Variants in STPG2 observed in about 807,000 individuals in gnomAD.
STPG2 encodes sperm-tail PG-rich repeat-containing protein 2.
Under a neutral mutation model 54.2 loss-of-function variants are expected in STPG2, and 56 were observed. That is an observed-to-expected ratio of 1.03 (90% CI 0.83 to 1.29). The LOEUF (loss-of-function observed/expected upper bound fraction) is 1.29, where lower values mean the gene tolerates loss of function less well. Ranked by LOEUF, STPG2 falls within the 50% of genes most tolerant of loss-of-function variation. The pLI, the probability that STPG2 is intolerant of heterozygous loss-of-function variation, is 0.00. For missense variants in STPG2, 596 were observed against 544.9 expected, an observed-to-expected ratio of 1.09 and a Z score of -0.93; for synonymous variants, 200 against 181.8, an observed-to-expected ratio of 1.10 and a Z score of -0.81.
At chr4:97,891,505 A>T (rs925839541) in intron 8 of STPG2, among the ~76,000 whole-genome samples, 3 of 152,110 alleles carry the variant, frequency 2.0e-5, no homozygotes, top group Non-Finnish European at 4.4e-5. Flanking sequence ...AAAATGATAT[A>T]TCTAAATAGC....
In STPG2 at chr4:98,109,313, A is replaced by T. The variant is rs1281155475; in HGVS notation, c.388-8T>A. 1 of 1,585,840 alleles carries T rather than the reference A, an allele frequency of 6.3e-7. No individual in the cohort carries two copies. Among genetic ancestry groups the T allele is most frequent in the Non-Finnish European group, 8.6e-7 (1 of 1,164,080 alleles). ...AGTTGCATTGGAAACATCCTAAAAA[A>T]TAAAAAGTTTTAAAAAGTGAGGATG... is the stretch of plus-strand genomic sequence containing the variant. On this transcript the variant is annotated splice_polypyrimidine_tract_variant and splice_region_variant and intron_variant, in intron 3 of 10. Transcript: ENST00000295268.
intron 9 of STPG2, among the ~76,000 whole-genome samples, chr4:97,788,303 C>T (rs561372206): frequency 6.6e-6 from 1 of 152,118 alleles, no homozygotes. Flanking sequence ...GTTTAGCTCC[C>T]ACAAATAAGT....
At chr4:97,971,651 G>A (rs1734330136) in intron 7 of STPG2, among the ~76,000 whole-genome samples, 1 of 152,064 alleles carries the variant, frequency 6.6e-6, no homozygotes. Flanking sequence ...TCTGTCGTGG[G>A]GTGGCGGGCT....
chr4:97,735,747 C>A (rs1442217953), intron 9 of STPG2, among the ~76,000 whole-genome samples: 1 of 151,170 alleles, frequency 6.6e-6, no homozygotes, highest in Admixed American at 6.6e-5. Context: ...CGTGTATATC[C>A]TTATATATAT....
chr4:97,735,159 C>A (rs181009056), intron 9 of STPG2, among the ~76,000 whole-genome samples: 1 of 151,070 alleles, frequency 6.6e-6, no homozygotes, highest in Admixed American at 6.6e-5. Flanking sequence ...TATTTGTGAA[C>A]TACATATTTA....
chr4:97,453,159 C>A (rs541415743), intron 4 of STPG2, among the ~76,000 whole-genome samples: 1 of 152,216 alleles, frequency 6.6e-6, no homozygotes, highest in Non-Finnish European at 1.5e-5. Context: ...TGGGGTCCTG[C>A]AGTGCCTGGC....
chr4:97,966,040 C>G (rs1030254602), intron 7 of STPG2, among the ~76,000 whole-genome samples: 1 of 152,154 alleles, frequency 6.6e-6, no homozygotes, highest in Admixed American at 6.5e-5. Context: ...CAGAAGTAGG[C>G]TTCAGAAGAT....
chr4:97,556,167 A>G (rs966200726), downstream of STPG2, among the ~76,000 whole-genome samples: 5 of 152,180 alleles, frequency 3.3e-5, no homozygotes, highest in Non-Finnish European at 7.4e-5. Flanking sequence ...ATACATTCGC[A>G]GGAATAAAGA....
chr4:97,811,924 G>T (rs1202668455), intron 9 of STPG2, among the ~76,000 whole-genome samples: 2 of 151,960 alleles, frequency 1.3e-5, no homozygotes, highest in Non-Finnish European at 2.9e-5. Context: ...GTTCTGTAAT[G>T]GATTCAGATG....
At chr4:97,589,344 G>A (rs1162175023) in intron 10 of STPG2, among the ~76,000 whole-genome samples, 1 of 151,794 alleles carries the variant, frequency 6.6e-6, no homozygotes, top group South Asian at 2.1e-4. Flanking sequence ...GTAGGGAATA[G>A]CCTACTTTTA....
chr4:98,107,350 GACAACT>G (rs1739217362), intron 4 of STPG2, among the ~76,000 whole-genome samples: 1 of 121,718 alleles, frequency 8.2e-6, no homozygotes, highest in African/African-American at 3.2e-5. Flanking sequence ...AAGGAACTGA[GACAACT>G]ACAAGTCAAA....
intron 4 of STPG2, among the ~76,000 whole-genome samples, chr4:97,529,225 A>C (rs1175680437): frequency 6.6e-6 from 1 of 152,202 alleles, no homozygotes; most frequent in Non-Finnish European, 1.5e-5. Flanking sequence ...CCTTTTCTGC[A>C]TCTATGGAGA....
chr4:97,892,500 C>T (rs1730808079), intron 8 of STPG2, among the ~76,000 whole-genome samples: 2 of 152,142 alleles, frequency 1.3e-5, no homozygotes, highest in South Asian at 2.1e-4. Flanking sequence ...AATCTCCAGT[C>T]AATCAGTACC....
chr4:97,729,696 T>A (rs1281454399), intron 9 of STPG2, among the ~76,000 whole-genome samples: 1 of 151,858 alleles, frequency 6.6e-6, no homozygotes, highest in African/African-American at 2.4e-5. Flanking sequence ...TCATAAACCC[T>A]CCTAACAAGA....
chr4:97,544,169 A>G (rs1731782314), intron 4 of STPG2, among the ~76,000 whole-genome samples: 1 of 152,136 alleles, frequency 6.6e-6, no homozygotes. Context: ...CAAAATTATA[A>G]AGATACAATT....
In STPG2 at chr4:97,743,123, T is replaced by C. The variant is rs562088819; in HGVS notation, c.1205-30309A>G. Reference sequence around the variant, plus strand: ...ACAGTGAGACAGTAAGAAAAGCAATTCTAGTTTTCTTTTATTTTGTTTCCT... The same window carrying C: ...ACAGTGAGACAGTAAGAAAAGCAATCCTAGTTTTCTTTTATTTTGTTTCCT... On this transcript the variant is annotated intron_variant, in intron 9 of 10. Transcript: ENST00000295268. 1.0e-3 allele frequency among the ~76,000 whole-genome samples: 158 copies of C among 151,818 alleles called. 1 individual carries two copies. The highest frequency in any genetic ancestry group is 3.8e-3 in the African/African-American group (156 of 41,472).
chr4:98,021,489 T>C lies in STPG2; in HGVS notation c.613-40171A>G, dbSNP rs142553249. On this transcript the variant is annotated intron_variant, in intron 5 of 10. Transcript: ENST00000295268. ...GTGGTGTGATGCTGAAAAATGTATA[T>C]TCTGTTGATTTGGGGTGGAGAGTTC... 7.6e-3 allele frequency among the ~76,000 whole-genome samples: 1,164 copies of C among 152,164 alleles called. 14 individuals are homozygous for C. The highest frequency in any genetic ancestry group is 0.025 in the African/African-American group (1,026 of 41,458).
intron 9 of STPG2, among the ~76,000 whole-genome samples, chr4:97,728,533 C>T (rs1724689734): frequency 6.6e-6 from 1 of 152,020 alleles, no homozygotes; most frequent in African/African-American, 2.4e-5. Flanking sequence ...TTTACTTCCT[C>T]TCTTGTATGA....
chr4:97,757,060 T>G (rs1283668061), intron 9 of STPG2, among the ~76,000 whole-genome samples: 3 of 152,074 alleles, frequency 2.0e-5, no homozygotes, highest in Non-Finnish European at 2.9e-5. Flanking sequence ...CCCCCTGAAC[T>G]TCCCTTCAAG....
Sources: allele counts gnomAD v4.1 joint callset (sites outside exome capture counted in the v4.1 genomes callset), GRCh38; gene constraint gnomAD v4.1.1; transcripts MANE v1.5; gene names NCBI Gene and HGNC (gene_info 2026-07-23, HGNC 2026-07-21).